The following WDR70 variants were observed in gnomAD, a reference collection of about 807,000 sequenced individuals.
The protein encoded by WDR70 is WD repeat domain 70.
WDR70 carries 53 observed loss-of-function variants against 88.6 expected under a neutral mutation model. That is an observed-to-expected ratio of 0.60 (90% confidence interval 0.48 to 0.75). The LOEUF (loss-of-function observed/expected upper bound fraction) is 0.75, where lower values mean the gene tolerates loss of function less well. WDR70 is among the 30% of genes least tolerant of loss of function. The probability of loss-of-function intolerance (pLI) is 0.00; values close to 1 mark genes in which losing one functional copy is unlikely to be tolerated. For synonymous variants in WDR70, 280 were observed against 270.0 expected (o/e 1.04, Z -0.36); for missense variants, 610 against 823.2 (o/e 0.74, Z 3.17).
At chr5:37,438,031 T>A in intron 6 of WDR70, 50 bp downstream of exon 6, 7 of 1,505,850 alleles carry the variant, frequency 4.6e-6, no homozygotes, top group Non-Finnish European at 6.4e-6. Context: ...AGGGCTGTCA[T>A]GGAAAAGTGA....
chr5:37,510,085 C>T (rs28491140), intron 8 of WDR70, among the ~76,000 whole-genome samples: 1 of 150,428 alleles, frequency 6.6e-6, no homozygotes, highest in Non-Finnish European at 1.5e-5. Flanking sequence ...ACTCCCCCCC[C>T]CAAAAAAAAA....
chr5:37,694,839 G>GTAT (rs1746934050), intron 10 of WDR70, among the ~76,000 whole-genome samples: 1 of 110,584 alleles, frequency 9.0e-6, no homozygotes, highest in Non-Finnish European at 1.8e-5. Flanking sequence ...ATAACTTAAA[G>GTAT]TATAATAATA....
At chr5:37,380,123 G>C (rs1056055587) in intron 2 of WDR70, among the ~76,000 whole-genome samples, 5 of 152,152 alleles carry the variant, frequency 3.3e-5, no homozygotes, top group African/African-American at 1.2e-4. Flanking sequence ...TTAGTAGACT[G>C]ATACATGAAA....
At chr5:37,666,854 C>G (rs1019621234) in intron 10 of WDR70, among the ~76,000 whole-genome samples, 1 of 152,158 alleles carries the variant, frequency 6.6e-6, no homozygotes, top group Non-Finnish European at 1.5e-5. Context: ...CTAACCTTAC[C>G]TTTCTGCACC....
chr5:37,516,495 C>A lies in WDR70; in HGVS notation c.841-19C>A. ...CCTTTTTAAAACATCTTTTTTTCCC[C>A]TTTGTCTTTATTTTTAAGGGTCATA... is the stretch of plus-strand genomic sequence containing the variant. On this transcript the variant is annotated intron_variant, in intron 8 of 17. Transcript: ENST00000265107. 6.6e-7 allele frequency: 1 copy of A among 1,515,634 alleles called. No homozygotes were observed. Among genetic ancestry groups the A allele is most frequent in the South Asian group, 1.3e-5 (1 of 79,822 alleles). The allele number at this position is 1,515,634 out of a possible 1,614,324, so 93.9% of individuals were successfully genotyped here. A position where few individuals can be genotyped will look rare whatever the true frequency, so the allele number is the denominator to read the frequency against.
At chr5:37,659,784 T>C (rs1745654609) in intron 10 of WDR70, among the ~76,000 whole-genome samples, 1 of 151,746 alleles carries the variant, frequency 6.6e-6, no homozygotes, top group Non-Finnish European at 1.5e-5. Flanking sequence ...TGTCTTCCTC[T>C]TCTTATATGG....
intron 10 of WDR70, among the ~76,000 whole-genome samples, chr5:37,608,774 G>A (rs977584911): frequency 2.0e-5 from 3 of 151,888 alleles, no homozygotes; most frequent in African/African-American, 7.3e-5. Flanking sequence ...ACCCAGGCTG[G>A]TCTTGAACTC....
At chr5:37,586,272 C>T (rs1488083950) in intron 9 of WDR70, among the ~76,000 whole-genome samples, 1 of 152,140 alleles carries the variant, frequency 6.6e-6, no homozygotes, top group Non-Finnish European at 1.5e-5. Flanking sequence ...CCATAGCTTT[C>T]TGATTTCTAC....
chr5:37,492,877 G>A (rs1467485024), intron 8 of WDR70, among the ~76,000 whole-genome samples: 2 of 152,178 alleles, frequency 1.3e-5, no homozygotes, highest in Non-Finnish European at 1.5e-5. Flanking sequence ...AGCATGGTAT[G>A]GAGAAAGCCA....
chr5:37,629,333 A>G (rs7737210), intron 10 of WDR70, among the ~76,000 whole-genome samples: 2 of 152,264 alleles, frequency 1.3e-5, no homozygotes, highest in East Asian at 3.9e-4. Flanking sequence ...CCCAAGACTC[A>G]GGAAATTTTC....
intron 10 of WDR70, among the ~76,000 whole-genome samples, chr5:37,676,183 G>A (rs1230214110): frequency 6.6e-6 from 1 of 151,322 alleles, no homozygotes; most frequent in Non-Finnish European, 1.5e-5. Context: ...TCTGCAAACA[G>A]GGACAATTTG....
intron 9 of WDR70, among the ~76,000 whole-genome samples, chr5:37,579,220 A>G (rs1219706125): frequency 6.6e-6 from 1 of 152,208 alleles, no homozygotes; most frequent in Admixed American, 6.6e-5. Context: ...AGGAAGATGT[A>G]GGGAGAGAAG....
chr5:37,567,847 G>A (rs554167776), intron 9 of WDR70, among the ~76,000 whole-genome samples: 15 of 152,306 alleles, frequency 9.8e-5, no homozygotes, highest in African/African-American at 3.6e-4. Context: ...TCGTTGTCAG[G>A]AGGATCCTGT....
intron 5 of WDR70, 50 bp from the exon 6 acceptor site, chr5:37,437,872 C>T: frequency 1.3e-6 from 2 of 1,541,598 alleles, no homozygotes; most frequent in South Asian, 2.4e-5. Flanking sequence ...GTGTAGTTCC[C>T]CACAAATATG....
At chr5:37,598,487 T>C (rs1743767330) in intron 9 of WDR70, among the ~76,000 whole-genome samples, 1 of 152,206 alleles carries the variant, frequency 6.6e-6, no homozygotes, top group Non-Finnish European at 1.5e-5. Context: ...CTCTTCTTCA[T>C]AGACCATAAA....
At chr5:37,423,314 G>C (rs922925402) in intron 5 of WDR70, among the ~76,000 whole-genome samples, 5 of 150,604 alleles carry the variant, frequency 3.3e-5, no homozygotes, top group African/African-American at 1.2e-4. Context: ...ATAAGAAGGA[G>C]AGTTACTGTG....
chr5:37,634,580 T>G (rs1446293191), intron 10 of WDR70, among the ~76,000 whole-genome samples: 1 of 152,132 alleles, frequency 6.6e-6, no homozygotes, highest in South Asian at 2.1e-4. Context: ...GAAGACAGAT[T>G]GGAGGAAATA....
intron 5 of WDR70, among the ~76,000 whole-genome samples, chr5:37,431,285 T>C (rs139240420): frequency 6.6e-6 from 1 of 152,362 alleles, no homozygotes; most frequent in East Asian, 1.9e-4. Context: ...GAATAGTTAA[T>C]TATAAGAGTG....
At chr5:37,398,548 C>G (rs982744246) in intron 5 of WDR70, among the ~76,000 whole-genome samples, 2 of 152,174 alleles carry the variant, frequency 1.3e-5, no homozygotes, top group Non-Finnish European at 1.5e-5. Context: ...CTTCTCAGTA[C>G]ATAGTACAGC....
Sources: allele counts gnomAD v4.1 joint callset (sites outside exome capture counted in the v4.1 genomes callset), GRCh38; gene constraint gnomAD v4.1.1; transcripts MANE v1.5; gene names NCBI Gene and HGNC (gene_info 2026-07-23, HGNC 2026-07-21).